MFSD8: variants seen among roughly 807,000 people sequenced by gnomAD.
MFSD8 encodes the protein major facilitator superfamily domain-containing protein 8.
MFSD8 carries 55 observed loss-of-function variants against 66.4 expected under a neutral mutation model. That is an observed-to-expected ratio of 0.83 (90% CI 0.67 to 1.04). MFSD8 has a LOEUF of 1.04. Ranked by LOEUF, MFSD8 falls within the 50% of genes least tolerant of loss-of-function variation. The probability of loss-of-function intolerance (pLI) is 0.00; values close to 1 mark genes in which losing one functional copy is unlikely to be tolerated. For missense variants in MFSD8, 550 were observed against 627.6 expected, an observed-to-expected ratio of 0.88 and a Z score of 1.32; for synonymous variants, 202 against 212.8, an observed-to-expected ratio of 0.95 and a Z score of 0.44.
At chr4:127,923,556 TTATTATTA>T (rs1195051471) in intron 9 of MFSD8, among the ~76,000 whole-genome samples, 41 of 70,612 alleles carry the variant, frequency 5.8e-4, no homozygotes, top group African/African-American at 2.1e-3. Flanking sequence ...TTTTTATTTA[TTATTATTA>T]TTATTATTAT....
At chr4:127,943,718 T>C (rs1457892839) in intron 4 of MFSD8, 34 bp downstream of exon 4, 3 of 1,613,618 alleles carry the variant, frequency 1.9e-6, no homozygotes, top group Non-Finnish European at 2.5e-6. Flanking sequence ...TGAATGTGAA[T>C]ATGACACAAC....
intron 9 of MFSD8, among the ~76,000 whole-genome samples, chr4:127,922,361 C>T (rs1042947531): frequency 3.3e-5 from 5 of 152,174 alleles, no homozygotes; most frequent in African/African-American, 1.2e-4. Flanking sequence ...TAGTGGCTCA[C>T]ACCTATAACC....
Position 127,928,873 on chromosome 4 carries a change from G to GTA in MFSD8, c.998+1808_998+1809dup, listed in dbSNP as rs540673597. On this transcript the variant is annotated intron_variant, in intron 9 of 11. Coordinates refer to ENST00000641686, the MANE Select transcript of MFSD8 (RefSeq NM_001371596.2). ...ATCAATGGATGAATGGATAAATGTG[G>GTA]TATATATATATGGGAATATTATTCA... Among the ~76,000 whole-genome samples, 28 of 152,022 alleles carry GTA rather than the reference G, an allele frequency of 1.8e-4. No homozygotes were observed. In the South Asian group the frequency reaches 3.5e-3, roughly 19 times the overall value.
chr4:127,965,391 G>GCT (rs1744937062), upstream of MFSD8: 1 of 585,354 alleles, frequency 1.7e-6, no homozygotes, highest in Non-Finnish European at 3.1e-6. Context: ...GCCCAGGAGA[G>GCT]CTCGGGGCGT....
intron 7 of MFSD8, among the ~76,000 whole-genome samples, chr4:127,935,841 A>G (rs1419115568): frequency 1.3e-5 from 2 of 152,214 alleles, no homozygotes; most frequent in Non-Finnish European, 2.9e-5. Context: ...AAATAGCCAC[A>G]TGTGGCTAAT....
chr4:127,957,195 T>G (rs1490133753), intron 2 of MFSD8, among the ~76,000 whole-genome samples: 1 of 152,206 alleles, frequency 6.6e-6, no homozygotes, highest in Non-Finnish European at 1.5e-5. Context: ...TTATATGAGC[T>G]ATCTAGAATA....
At chr4:127,934,104 G>A (rs569203258) in intron 7 of MFSD8, among the ~76,000 whole-genome samples, 16 of 152,078 alleles carry the variant, frequency 1.1e-4, no homozygotes, top group Non-Finnish European at 2.2e-4. Flanking sequence ...TTAGCCGGGC[G>A]TGGTGCCACA....
intron 1 of MFSD8, chr4:127,964,858 G>A (rs1360308688): frequency 1.6e-6 from 1 of 631,584 alleles, no homozygotes; most frequent in Non-Finnish European, 2.8e-6. Context: ...CCCGTCACTC[G>A]AACCCACGGG....
chr4:127,945,701 A>C (rs1740920361), intron 3 of MFSD8: 1 of 152,146 alleles, frequency 6.6e-6, no homozygotes, highest in African/African-American at 2.4e-5. Flanking sequence ...TAATATGCAA[A>C]AGTATAATGA....
At chr4:127,949,663 C>A (rs112739351) in intron 3 of MFSD8, 141 bp downstream of exon 3, 2 of 706,774 alleles carry the variant, frequency 2.8e-6, no homozygotes, top group Non-Finnish European at 4.7e-6. Flanking sequence ...ACTTATAAGC[C>A]TCTTTTAAGG....
intron 6 of MFSD8, 114 bp from the exon 7 acceptor site, chr4:127,938,952 GT>G: frequency 1.4e-6 from 1 of 726,068 alleles, no homozygotes; most frequent in Non-Finnish European, 2.3e-6. Context: ...TCTTTTATTG[GT>G]TTTTCAGTAA....
intron 2 of MFSD8, among the ~76,000 whole-genome samples, chr4:127,952,611 T>C (rs1194210771): frequency 2.6e-5 from 4 of 152,140 alleles, no homozygotes; most frequent in African/African-American, 9.7e-5. Context: ...GGATGATGCC[T>C]GTAATCCAAG....
At chr4:127,956,388 TAC>T (rs951187875) in intron 2 of MFSD8, among the ~76,000 whole-genome samples, 4 of 149,438 alleles carry the variant, frequency 2.7e-5, no homozygotes, top group African/African-American at 9.9e-5. Context: ...TAGTCCCAGC[TAC>T]TCGGGAGGCT....
At chr4:127,957,157 C>G in intron 2 of MFSD8, among the ~76,000 whole-genome samples, 1 of 151,680 alleles carries the variant, frequency 6.6e-6, no homozygotes. Context: ...AATCTCATCA[C>G]AAGAAAAAAA....
At chr4:127,928,112 G>A (rs930979398) in intron 9 of MFSD8, among the ~76,000 whole-genome samples, 4 of 151,988 alleles carry the variant, frequency 2.6e-5, no homozygotes, top group African/African-American at 9.7e-5. Context: ...GCAGTGGTGT[G>A]ATCTTGGTTC....
intron 5 of MFSD8, 130 bp from the exon 6 acceptor site, chr4:127,940,127 C>T: frequency 1.1e-6 from 1 of 918,194 alleles, no homozygotes. Flanking sequence ...GCATTCTCAA[C>T]AGATGGAATT....
intron 1 of MFSD8, among the ~76,000 whole-genome samples, chr4:127,963,032 T>A (rs1744057751): frequency 6.6e-6 from 1 of 152,222 alleles, no homozygotes; most frequent in South Asian, 2.1e-4. Flanking sequence ...AAAATAGTAA[T>A]TCCGTTTTCC....
At chr4:127,935,640 G>T (rs959886450) in intron 7 of MFSD8, among the ~76,000 whole-genome samples, 1 of 152,002 alleles carries the variant, frequency 6.6e-6, no homozygotes, top group African/African-American at 2.4e-5. Context: ...TCTCATAAAA[G>T]AAAACACTAC....
At chr4:127,952,236 TC>T (rs1742109078) in intron 2 of MFSD8, among the ~76,000 whole-genome samples, 4 of 151,398 alleles carry the variant, frequency 2.6e-5, no homozygotes, top group Non-Finnish European at 5.9e-5. Flanking sequence ...AAACCCTGTC[TC>T]TACTAAAAAT....
Sources: allele counts gnomAD v4.1 joint callset (sites outside exome capture counted in the v4.1 genomes callset), GRCh38; gene constraint gnomAD v4.1.1; transcripts MANE v1.5; gene names NCBI Gene and HGNC (gene_info 2026-07-23, HGNC 2026-07-21).